Variants in SETBP1 observed in about 807,000 individuals in gnomAD.
SETBP1 encodes SET-binding protein.
SETBP1 carries 9 observed loss-of-function variants against 101.0 expected under a neutral mutation model. That is an observed-to-expected ratio of 0.09 (90% confidence interval 0.05 to 0.16). The LOEUF (loss-of-function observed/expected upper bound fraction) is 0.16, where lower values mean the gene tolerates loss of function less well. Among genes scored for constraint, SETBP1 ranks in the 10% least tolerant of loss-of-function variants. The probability of loss-of-function intolerance (pLI) is 1.00; values close to 1 mark genes in which losing one functional copy is unlikely to be tolerated. For synonymous variants in SETBP1, 818 were observed against 788.5 expected, an observed-to-expected ratio of 1.04 and a Z score of -0.63; for missense variants, 1,858 against 2,033.8, an observed-to-expected ratio of 0.91 and a Z score of 1.66.
intron 2 of SETBP1, among the ~76,000 whole-genome samples, chr18:44,751,174 A>C (rs1470426959): frequency 1.3e-5 from 2 of 152,182 alleles, no homozygotes; most frequent in African/African-American, 4.8e-5. Flanking sequence ...AGGGTAGGCA[A>C]GGGAGGAGAA....
chr18:44,873,081 TAAG>T, intron 3 of SETBP1, among the ~76,000 whole-genome samples: 1 of 145,382 alleles, frequency 6.9e-6, no homozygotes, highest in East Asian at 2.0e-4. Flanking sequence ...TGGTGGAAGA[TAAG>T]AAGAGAGTAA....
chr18:45,027,860 T>A (rs560902156), intron 4 of SETBP1, among the ~76,000 whole-genome samples: 1 of 152,328 alleles, frequency 6.6e-6, no homozygotes, highest in African/African-American at 2.4e-5. Context: ...GAGCTCCATT[T>A]CTTTCTAGAA....
chr18:44,935,617 C>T (rs1414177394), intron 3 of SETBP1, among the ~76,000 whole-genome samples: 2 of 152,186 alleles, frequency 1.3e-5, no homozygotes, highest in African/African-American at 4.8e-5. Context: ...GTAAGAGGCT[C>T]TCTAGAAGTA....
intron 4 of SETBP1, among the ~76,000 whole-genome samples, chr18:45,031,746 A>T (rs544941878): frequency 6.6e-6 from 1 of 152,262 alleles, no homozygotes; most frequent in East Asian, 1.9e-4. Flanking sequence ...TAACCCCAAA[A>T]CTTTTACAAT....
intron 3 of SETBP1, among the ~76,000 whole-genome samples, chr18:44,878,964 CCCT>C (rs1474485152): frequency 6.6e-6 from 1 of 152,112 alleles, no homozygotes. Context: ...TTGGATATTT[CCCT>C]GATAGTGGCC....
chr18:45,061,116 T>C (rs901301792), intron 5 of SETBP1, among the ~76,000 whole-genome samples: 1 of 152,264 alleles, frequency 6.6e-6, no homozygotes, highest in Non-Finnish European at 1.5e-5. Context: ...TACTACTGAC[T>C]AGTTGCCATT....
At chr18:44,843,184 C>T (rs577896939) in intron 2 of SETBP1, among the ~76,000 whole-genome samples, 1 of 152,330 alleles carries the variant, frequency 6.6e-6, no homozygotes. Context: ...CAGGCAGCCA[C>T]ACTGTGAGAG....
intron 4 of SETBP1, among the ~76,000 whole-genome samples, chr18:45,014,798 T>C (rs1227836993): frequency 6.6e-6 from 1 of 152,164 alleles, no homozygotes; most frequent in Non-Finnish European, 1.5e-5. Context: ...ATGAATATAA[T>C]GCTCCAACAA....
intron 2 of SETBP1, among the ~76,000 whole-genome samples, chr18:44,831,188 T>C (rs567805131): frequency 6.6e-6 from 1 of 152,354 alleles, no homozygotes; most frequent in East Asian, 1.9e-4. Context: ...TGGCCTCAAC[T>C]GATGTGGAGT....
intron 1 of SETBP1, among the ~76,000 whole-genome samples, chr18:44,692,909 G>A (rs1458443602): frequency 2.6e-4 from 39 of 152,184 alleles, no homozygotes; most frequent in Admixed American, 2.6e-3. Context: ...TGTGGTAGGT[G>A]AAGTAGTCTG....
At chr18:44,999,933 A>C (rs778884234) in intron 4 of SETBP1, among the ~76,000 whole-genome samples, 1 of 152,266 alleles carries the variant, frequency 6.6e-6, no homozygotes, top group Admixed American at 6.5e-5. Flanking sequence ...TAAGATGTTT[A>C]ATCAAAAGAA....
At chr18:44,921,755 C>T (rs566945736) in intron 3 of SETBP1, among the ~76,000 whole-genome samples, 5 of 152,102 alleles carry the variant, frequency 3.3e-5, no homozygotes, top group Non-Finnish European at 7.4e-5. Context: ...ATAGGATATA[C>T]AGAATGAGTA....
chr18:44,708,636 T>C (rs1007285265), intron 2 of SETBP1, among the ~76,000 whole-genome samples: 150 of 152,150 alleles, frequency 9.9e-4, no homozygotes, highest in African/African-American at 3.6e-3. Flanking sequence ...ACCTTGGCCT[T>C]GGAGATGGGG....
intron 2 of SETBP1, among the ~76,000 whole-genome samples, chr18:44,864,808 A>G (rs1230534028): frequency 6.6e-6 from 1 of 151,974 alleles, no homozygotes; most frequent in Non-Finnish European, 1.5e-5. Flanking sequence ...GCCATGGCGA[A>G]TTTCATTTTA....
chr18:45,000,397 T>C (rs937281722), intron 4 of SETBP1, among the ~76,000 whole-genome samples: 5 of 152,134 alleles, frequency 3.3e-5, no homozygotes, highest in African/African-American at 1.2e-4. Context: ...AGCCAGGATG[T>C]TGGGCAGCCC....
chr18:45,063,683 C>T lies in SETBP1; in HGVS notation c.4776C>T (p.Ser1592=). Residue 1592 remains serine, a synonymous_variant, in exon 6 of 6, where the codon AGC becomes AGT. Coordinates refer to ENST00000649279, the MANE Select transcript of SETBP1 (RefSeq NM_015559.3). Reference sequence around the variant, plus strand: ...AGAGGAAGTCCCGAGGGAGTGAGAGCGAGGTCCTTCCCTAGGGCGGGTCTG... The same window carrying T: ...AGAGGAAGTCCCGAGGGAGTGAGAGTGAGGTCCTTCCCTAGGGCGGGTCTG... The part of the protein sequence containing the change: ...KRQRKSRGSE[S]EVLP 2 of 1,607,988 alleles carry T rather than the reference C, an allele frequency of 1.2e-6. No individual in the cohort carries two copies. Among genetic ancestry groups the T allele is most frequent in the Non-Finnish European group, 8.5e-7 (1 of 1,177,654 alleles).
At chr18:44,935,966 G>A (rs1364786846) in intron 3 of SETBP1, among the ~76,000 whole-genome samples, 2 of 152,224 alleles carry the variant, frequency 1.3e-5, no homozygotes, top group African/African-American at 2.4e-5. Context: ...ACAAGAATGT[G>A]TTATGTTTCT....
chr18:44,831,629 A>G (rs1400094357), intron 2 of SETBP1, among the ~76,000 whole-genome samples: 1 of 152,254 alleles, frequency 6.6e-6, no homozygotes, highest in Non-Finnish European at 1.5e-5. Context: ...TAATTAAAAA[A>G]TAATTGTACT....
chr18:44,680,190 G>C (rs966638878), upstream of SETBP1: 1 of 142,752 alleles, frequency 7.0e-6, no homozygotes, highest in Admixed American at 6.9e-5. Flanking sequence ...GGGCCGGCCG[G>C]GGCGCCCGCC....
Sources: allele counts gnomAD v4.1 joint callset (sites outside exome capture counted in the v4.1 genomes callset), GRCh38; gene constraint gnomAD v4.1.1; transcripts MANE v1.5; gene names NCBI Gene and HGNC (gene_info 2026-07-23, HGNC 2026-07-21).